TTC29: variants seen among roughly 807,000 people sequenced by gnomAD.
The protein encoded by TTC29 is tetratricopeptide repeat protein 29.
A neutral mutation model predicts 58.1 loss-of-function variants in TTC29; 49 were observed. The ratio of observed to expected loss-of-function variants is 0.84; its 90% CI spans 0.67 to 1.07. TTC29 has a LOEUF of 1.07. TTC29 is among the 50% of genes least tolerant of loss of function. The probability of loss-of-function intolerance (pLI) is 0.00; values close to 1 mark genes in which losing one functional copy is unlikely to be tolerated. For missense variants in TTC29, 582 were observed against 555.6 expected, an observed-to-expected ratio of 1.05 and a Z score of -0.48; for synonymous variants, 209 against 196.8, an observed-to-expected ratio of 1.06 and a Z score of -0.52.
Position 146,820,346 on chromosome 4 carries a change from T to C in TTC29, c.978-98A>G, listed in dbSNP as rs1751733673. 12 of 1,327,108 alleles carry C rather than the reference T, an allele frequency of 9.0e-6. No homozygotes were observed. In the East Asian group the frequency reaches 9.8e-5, roughly 11 times the overall value. The allele number at this position is 1,327,108 out of a possible 1,614,324, so 82.2% of individuals were successfully genotyped here. On this transcript the variant is annotated intron_variant, in intron 9 of 12. Transcript: ENST00000325106. ...TGTCTTTGCTGTAGAAAATGCAAGA[T>C]GGTTATCAGGATAATAAGATTTAAT...
At chr4:146,738,610 T>C (rs1579562631) in intron 11 of TTC29, among the ~76,000 whole-genome samples, 3 of 152,286 alleles carry the variant, frequency 2.0e-5, no homozygotes, top group African/African-American at 7.2e-5. Context: ...ATAACTCCCA[T>C]AGCCCTGTTA....
chr4:146,817,525 T>C (rs1373947733), intron 10 of TTC29, among the ~76,000 whole-genome samples: 1 of 152,156 alleles, frequency 6.6e-6, no homozygotes, highest in South Asian at 2.1e-4. Context: ...ATTTATAGAT[T>C]CAATGCCATC....
At chr4:146,917,440 T>C (rs933405921) in intron 4 of TTC29, among the ~76,000 whole-genome samples, 1 of 148,392 alleles carries the variant, frequency 6.7e-6, no homozygotes, top group African/African-American at 2.4e-5. Flanking sequence ...TTTGCAGAAT[T>C]TATAGACCAT....
chr4:146,815,859 C>G (rs766101904), intron 10 of TTC29, among the ~76,000 whole-genome samples: 1 of 152,146 alleles, frequency 6.6e-6, no homozygotes, highest in Admixed American at 6.6e-5. Context: ...AACTTTTTAG[C>G]CTACCTCCAA....
intron 6 of TTC29, among the ~76,000 whole-genome samples, chr4:146,881,139 A>G (rs1293723036): frequency 6.6e-6 from 1 of 152,146 alleles, no homozygotes; most frequent in Non-Finnish European, 1.5e-5. Context: ...GGCTGCTGGT[A>G]TTGTTCAGGT....
At chr4:146,911,171 G>T (rs1260210469) in intron 4 of TTC29, among the ~76,000 whole-genome samples, 1 of 152,212 alleles carries the variant, frequency 6.6e-6, no homozygotes, top group Non-Finnish European at 1.5e-5. Flanking sequence ...AGGCAGAAGA[G>T]GACCAGAACC....
chr4:146,823,362 T>A (rs966487713), intron 9 of TTC29, among the ~76,000 whole-genome samples: 1 of 152,208 alleles, frequency 6.6e-6, no homozygotes, highest in Non-Finnish European at 1.5e-5. Flanking sequence ...GAATAGGAGA[T>A]CCTTTCCCCA....
chr4:146,745,942 T>C (rs1745507706), intron 11 of TTC29, among the ~76,000 whole-genome samples: 1 of 152,238 alleles, frequency 6.6e-6, no homozygotes. Context: ...ATTTCTCTTT[T>C]TGTCTGAAGA....
At chr4:146,788,667 C>A (rs747340613) in intron 11 of TTC29, among the ~76,000 whole-genome samples, 1 of 151,766 alleles carries the variant, frequency 6.6e-6, no homozygotes, top group African/African-American at 2.4e-5. Flanking sequence ...AAAATTCCAC[C>A]TGTGCCACAG....
chr4:146,930,108 TATATATATATAC>T (rs1735226610), intron 4 of TTC29, among the ~76,000 whole-genome samples: 1 of 131,868 alleles, frequency 7.6e-6, no homozygotes, highest in African/African-American at 3.1e-5. Flanking sequence ...TATATATATA[TATATATATATAC>T]ACACATATAT....
At chr4:146,767,738 C>T (rs984414197) in intron 11 of TTC29, among the ~76,000 whole-genome samples, 7 of 151,962 alleles carry the variant, frequency 4.6e-5, no homozygotes, top group African/African-American at 9.7e-5. Flanking sequence ...CATCTATGTG[C>T]AGTATTTGTT....
chr4:146,742,328 C>T (rs1745213343), intron 11 of TTC29, among the ~76,000 whole-genome samples: 1 of 152,084 alleles, frequency 6.6e-6, no homozygotes, highest in Non-Finnish European at 1.5e-5. Context: ...CTCTGTGGCA[C>T]TTTTGGAGTA....
At chr4:146,801,882 A>G (rs1750246694) in intron 11 of TTC29, among the ~76,000 whole-genome samples, 2 of 146,044 alleles carry the variant, frequency 1.4e-5, no homozygotes, top group South Asian at 4.7e-4. Flanking sequence ...AGGAGGCTGA[A>G]GCAGGAGAAT....
chr4:146,922,024 A>T (rs1347534446), intron 4 of TTC29, among the ~76,000 whole-genome samples: 1 of 149,784 alleles, frequency 6.7e-6, no homozygotes, highest in Non-Finnish European at 1.5e-5. Flanking sequence ...AAAAAAAAAA[A>T]AAAAAAGAAA....
chr4:146,794,744 C>T (rs961469031), intron 11 of TTC29, among the ~76,000 whole-genome samples: 1 of 151,956 alleles, frequency 6.6e-6, no homozygotes, highest in African/African-American at 2.4e-5. Flanking sequence ...GGTAATAATG[C>T]AAAATATACT....
chr4:146,739,207 G>A (rs535878638), intron 11 of TTC29, among the ~76,000 whole-genome samples: 20 of 152,104 alleles, frequency 1.3e-4, no homozygotes, highest in Admixed American at 6.6e-4. Context: ...GCAAAAAGGT[G>A]GACGTGTTTT....
At chr4:146,805,749 A>ATCTACATT (rs1301322941) in intron 10 of TTC29, among the ~76,000 whole-genome samples, 1 of 152,112 alleles carries the variant, frequency 6.6e-6, no homozygotes, top group Non-Finnish European at 1.5e-5. Flanking sequence ...AAAGGACCAA[A>ATCTACATT]TCTACATTTG....
chr4:146,924,405 G>GT (rs1396391048), intron 4 of TTC29, among the ~76,000 whole-genome samples: 2 of 151,742 alleles, frequency 1.3e-5, no homozygotes, highest in African/African-American at 4.8e-5. Flanking sequence ...TTTGTAGGAA[G>GT]TTTTTTTAAC....
chr4:146,928,100 A>G (rs1735060728), intron 4 of TTC29, among the ~76,000 whole-genome samples: 5 of 152,214 alleles, frequency 3.3e-5, no homozygotes, highest in Admixed American at 2.0e-4. Context: ...ATCATGAGAC[A>G]GTAAGGAGAA....
Sources: allele counts gnomAD v4.1 joint callset (sites outside exome capture counted in the v4.1 genomes callset), GRCh38; gene constraint gnomAD v4.1.1; transcripts MANE v1.5; gene names NCBI Gene and HGNC (gene_info 2026-07-23, HGNC 2026-07-21).